ZNF407: variants seen among roughly 807,000 people sequenced by gnomAD.
ZNF407 encodes zinc finger protein 407.
In ZNF407, 17 loss-of-function variants were observed where a neutral mutation model predicts 131.2. The observed-to-expected ratio is 0.13, with a 90% CI of 0.09 to 0.19. The LOEUF is 0.19. Among genes scored for constraint, ZNF407 ranks in the 10% least tolerant of loss-of-function variants. The pLI is 1.00. For missense variants in ZNF407, 2,681 were observed against 2,830.6 expected (o/e 0.95, Z 1.20); for synonymous variants, 1,156 against 1,062.0 (o/e 1.09, Z -1.72).
At chr18:74,931,710 G>A (rs1971985032) in intron 8 of ZNF407, among the ~76,000 whole-genome samples, 1 of 151,924 alleles carries the variant, frequency 6.6e-6, no homozygotes, top group African/African-American at 2.4e-5. Context: ...GTATGTTCCC[G>A]CCAGCAATGT....
In ZNF407 at chr18:74,879,162, T is replaced by C. The variant is rs193179140; in HGVS notation, c.5044+1799T>C. Among the ~76,000 whole-genome samples the C allele has an allele frequency of 5.1e-4, 78 of 152,330 alleles. No homozygotes were observed. The East Asian group carries it at 0.014, about 27-fold the overall frequency. ...GCAGCATCTATGCATGTAGAAAATA[T>C]AAATCTTAAGAGGGATTTTCTATGC... On this transcript the variant is annotated intron_variant, in intron 5 of 8. Coordinates refer to ENST00000299687, the MANE Select transcript of ZNF407 (RefSeq NM_017757.3).
At chr18:74,880,129 A>G (rs1343596211) in intron 5 of ZNF407, among the ~76,000 whole-genome samples, 9 of 152,060 alleles carry the variant, frequency 5.9e-5, no homozygotes, top group Non-Finnish European at 1.2e-4. Flanking sequence ...GAAGGTTAGC[A>G]TTTTTCTTCT....
chr18:75,004,477 A>G (rs1972884182), intron 8 of ZNF407, among the ~76,000 whole-genome samples: 1 of 152,340 alleles, frequency 6.6e-6, no homozygotes, highest in South Asian at 2.1e-4. Context: ...GGAAAGGGCC[A>G]TGCTGTTGCC....
rs201372058 is a variant in ZNF407, at chr18:74,923,304, C to CT, written c.5428+2626dup. Among the ~76,000 whole-genome samples, 584 of 139,718 alleles carry CT rather than the reference C, an allele frequency of 4.2e-3. 7 individuals carry two copies. The highest frequency in any genetic ancestry group is 1.0e-2 in the African/African-American group (382 of 38,344). The allele number at this position is 139,718 out of a possible 152,430, so 91.7% of individuals were successfully genotyped here. ...AGGTAGTTTGAGACTTTCTGGTTAT[C>CT]TTTTTTTTTTTTTTAAACTATTGAA... is the stretch of plus-strand genomic sequence containing the variant. On this transcript the variant is annotated intron_variant, in intron 8 of 8. Transcript: ENST00000299687.
At position 74,963,268 on chromosome 18, in the gene ZNF407, T is replaced by G. The variant is rs79280113; in HGVS notation, c.5428+42576T>G. 6.6e-5 allele frequency among the ~76,000 whole-genome samples: 10 copies of G among 152,232 alleles called. No homozygotes were observed. The East Asian group carries it at 1.9e-3, about 29-fold the overall frequency. ...TCCATATCTGACTTTTCACATTATT[T>G]GTAATATGAGTAACAGTGAAAGCCA... is the stretch of plus-strand genomic sequence containing the variant. On this transcript the variant is annotated intron_variant, in intron 8 of 8. Transcript: ENST00000299687.
chr18:74,663,283 C>T (rs1381538642), intron 3 of ZNF407, among the ~76,000 whole-genome samples: 1 of 152,132 alleles, frequency 6.6e-6, no homozygotes, highest in Non-Finnish European at 1.5e-5. Context: ...CCAAATAACA[C>T]TTCTGTATTG....
chr18:74,961,505 G>C (rs1345941294), intron 8 of ZNF407, among the ~76,000 whole-genome samples: 1 of 152,144 alleles, frequency 6.6e-6, no homozygotes, highest in Non-Finnish European at 1.5e-5. Context: ...GATCACTTGA[G>C]CCCAGGAGTT....
intron 1 of ZNF407, among the ~76,000 whole-genome samples, chr18:74,600,014 G>A (rs1009694868): frequency 1.6e-4 from 25 of 152,140 alleles, no homozygotes; most frequent in African/African-American, 5.3e-4. Flanking sequence ...AACATTTACC[G>A]CATGCTTGCT....
chr18:75,064,490 G>A lies in ZNF407; in HGVS notation c.*22G>A. On this transcript the variant is annotated 3_prime_UTR_variant, in exon 9 of 9. Coordinates refer to ENST00000299687, the MANE Select transcript of ZNF407 (RefSeq NM_017757.3). ...ATGAGACGCGCGGCACCTTTACTCA[G>A]CACAGGGCAGGTGTGGGAAGGTCCA... is the stretch of plus-strand genomic sequence containing the variant. The A allele has an allele frequency of 1.4e-6, 2 of 1,456,850 alleles. No homozygotes were observed. Among genetic ancestry groups the A allele is most frequent in the South Asian group, 2.8e-5 (2 of 70,380 alleles). 90.2% of individuals were successfully genotyped at this position (1,456,850 alleles called of 1,614,324 possible).
intron 7 of ZNF407, among the ~76,000 whole-genome samples, chr18:74,911,522 T>G (rs1427279932): frequency 6.6e-6 from 1 of 152,250 alleles, no homozygotes; most frequent in Non-Finnish European, 1.5e-5. Flanking sequence ...ACATGTGTCA[T>G]AATTCAACTG....
chr18:74,686,388 C>T (rs1351132177), intron 3 of ZNF407, among the ~76,000 whole-genome samples: 1 of 152,190 alleles, frequency 6.6e-6, no homozygotes, highest in African/African-American at 2.4e-5. Flanking sequence ...TGGTCACCCC[C>T]AGAATGAGGT....
chr18:74,660,278 A>G (rs1443284715), intron 3 of ZNF407, among the ~76,000 whole-genome samples: 4 of 152,140 alleles, frequency 2.6e-5, no homozygotes. Flanking sequence ...AAGTTGCAAG[A>G]TTTGATAAAT....
intron 3 of ZNF407, among the ~76,000 whole-genome samples, chr18:74,713,137 G>T (rs951449898): frequency 6.6e-6 from 1 of 152,118 alleles, no homozygotes; most frequent in African/African-American, 2.4e-5. Context: ...TTGGGTAAGT[G>T]ATCTCTGAGC....
chr18:75,064,139 G>A lies in ZNF407; in HGVS notation c.6418G>A (p.Gly2140Arg), dbSNP rs372660606. The A allele has an allele frequency of 1.2e-5, 19 of 1,602,298 alleles. No homozygotes were observed. Among genetic ancestry groups the A allele is most frequent in the South Asian group, 9.0e-5 (8 of 88,854 alleles). The stretch of plus-strand genomic sequence containing the variant: ...GCACATGGATCTGGTGGAGTCCGAC[G>A]GGGAGATCTCGCAGATCATCGTGAC... The part of the protein sequence containing the change: ...GEHMDLVESD[G>R]EISQIIVTEE... The change falls in exon 9 of 9, where the codon GGG becomes AGG. Residue 2140 changes from glycine (G) to arginine (R), a missense_variant. Gly to Arg is a moderately radical substitution (Grantham distance 125, BLOSUM62 -2). This residue lies in a region of ZNF407 where 620 missense variants were observed against 583.1 expected (regional missense o/e 1.06). Transcript: ENST00000299687.
chr18:75,036,492 C>T (rs764740673), intron 8 of ZNF407, among the ~76,000 whole-genome samples: 1 of 152,230 alleles, frequency 6.6e-6, no homozygotes, highest in African/African-American at 2.4e-5. Context: ...GATTTATTAT[C>T]TGTCCCTTGA....
Position 74,785,842 on chromosome 18 carries a change from A to T in ZNF407, c.4877+4340A>T, listed in dbSNP as rs574862006. On this transcript the variant is annotated intron_variant, in intron 4 of 8. Transcript: ENST00000299687. ...GGCATGCACATGTCACTCACATGGC[A>T]TGCACATGGCCCACATGGCACACAC... Among the ~76,000 whole-genome samples the T allele has an allele frequency of 7.9e-5, 12 of 151,952 alleles. No individual in the cohort carries two copies. The East Asian group carries it at 2.3e-3, about 29-fold the overall frequency.
intron 8 of ZNF407, among the ~76,000 whole-genome samples, chr18:74,945,214 G>A (rs571982840): frequency 6.6e-6 from 1 of 152,134 alleles, no homozygotes; most frequent in East Asian, 1.9e-4. Flanking sequence ...CTGCATTTGA[G>A]ATTTTTAAAA....
intron 1 of ZNF407, among the ~76,000 whole-genome samples, chr18:74,621,074 C>CT (rs1284482860): frequency 0.52 from 78,769 of 151,746 alleles, 21,903 homozygotes; most frequent in East Asian, 0.82. Flanking sequence ...CCATATAAAT[C>CT]TAAATTTAAA....
Position 74,619,110 on chromosome 18 carries a change from A to G in ZNF407, c.-53-11857A>G, listed in dbSNP as rs1054251641. ...CCCAGATTTACGTTTTGGAAGTACTATTTTTTTCCCTGTATTTCCTGGAAC... is the reference window on the plus strand; with the variant it reads ...CCCAGATTTACGTTTTGGAAGTACTGTTTTTTTCCCTGTATTTCCTGGAAC... On this transcript the variant is annotated intron_variant, in intron 1 of 8. Coordinates refer to ENST00000299687, the MANE Select transcript of ZNF407 (RefSeq NM_017757.3). 6.4e-3 allele frequency among the ~76,000 whole-genome samples: 969 copies of G among 152,156 alleles called. 12 individuals carry two copies. Among genetic ancestry groups the G allele is most frequent in the African/African-American group, 0.022 (910 of 41,494 alleles).
Sources: allele counts gnomAD v4.1 joint callset (sites outside exome capture counted in the v4.1 genomes callset), GRCh38; gene constraint gnomAD v4.1.1; regional missense constraint gnomAD v4.1.1; transcripts MANE v1.5; gene names NCBI Gene and HGNC (gene_info 2026-07-23, HGNC 2026-07-21).